RPRD1B: variants seen among roughly 807,000 people sequenced by gnomAD.
The protein encoded by RPRD1B is regulation of nuclear pre-mRNA domain containing 1B, also known as regulation of nuclear pre-mRNA domain-containing protein 1B.
Under a neutral mutation model 41.5 loss-of-function variants are expected in RPRD1B, and 11 were observed. That is an observed-to-expected ratio of 0.27 (90% CI 0.17 to 0.44). The LOEUF (loss-of-function observed/expected upper bound fraction) is 0.44, where lower values mean the gene tolerates loss of function less well. Ranked by LOEUF, RPRD1B falls within the 20% of genes least tolerant of loss-of-function variation. The probability of loss-of-function intolerance (pLI) is 1.00; values close to 1 mark genes in which losing one functional copy is unlikely to be tolerated. For synonymous variants in RPRD1B, 158 were observed against 155.6 expected, an observed-to-expected ratio of 1.02 and a Z score of -0.12; for missense variants, 248 against 389.9, an observed-to-expected ratio of 0.64 and a Z score of 3.06.
chr20:38,046,771 G>A (rs537977329), intron 2 of RPRD1B, among the ~76,000 whole-genome samples: 1 of 152,304 alleles, frequency 6.6e-6, no homozygotes, highest in Non-Finnish European at 1.5e-5. Context: ...TGGAGGACGG[G>A]GGTGGGGAAG....
At chr20:38,078,125 G>A (rs150647752) in intron 6 of RPRD1B, among the ~76,000 whole-genome samples, 6 of 151,388 alleles carry the variant, frequency 4.0e-5, no homozygotes, top group African/African-American at 1.5e-4. Flanking sequence ...CCATGATCGT[G>A]CCACTGCACT....
At chr20:38,068,362 G>C (rs2074378943) in intron 6 of RPRD1B, among the ~76,000 whole-genome samples, 1 of 152,132 alleles carries the variant, frequency 6.6e-6, no homozygotes, top group Non-Finnish European at 1.5e-5. Flanking sequence ...GAGCCGATTT[G>C]CTGCATTAAA....
intron 6 of RPRD1B, 96 bp from the exon 7 acceptor site, chr20:38,089,630 A>C: frequency 1.0e-6 from 1 of 995,836 alleles, no homozygotes; most frequent in Non-Finnish European, 1.5e-6. Context: ...GGGACAAGGA[A>C]GAACACGAGG....
chr20:38,033,827 A>T lies in RPRD1B; in HGVS notation c.-121A>T. 1.0e-6 allele frequency: 1 copy of T among 982,840 alleles called. No homozygotes were observed. The highest frequency in any genetic ancestry group is 1.5e-6 in the Non-Finnish European group (1 of 686,028). 60.9% of individuals were successfully genotyped at this position (982,840 alleles called of 1,614,324 possible). ...CCCTCCCCCTTCTCGCACCCCTGGC[A>T]GTCTGTCAGTCGGTAAAAAGTCCCG... On this transcript the variant is annotated 5_prime_UTR_variant, in exon 1 of 7. Transcript: ENST00000373433.
At chr20:38,043,463 A>G (rs1213140971) in intron 2 of RPRD1B, among the ~76,000 whole-genome samples, 2 of 152,078 alleles carry the variant, frequency 1.3e-5, no homozygotes, top group African/African-American at 2.4e-5. Context: ...CAGGGGAATG[A>G]TATATTCCAA....
chr20:38,072,980 G>A (rs902168495), intron 6 of RPRD1B, among the ~76,000 whole-genome samples: 1 of 152,224 alleles, frequency 6.6e-6, no homozygotes, highest in Non-Finnish European at 1.5e-5. Flanking sequence ...CATATAATCA[G>A]ACTTCTGAAT....
rs1233624068 is a variant in RPRD1B, at chr20:38,091,160, A to T, written c.*1285A>T. ...TATTTTTGACATTGGAAAGGGCAGAAAGCGATTTGCCCCAGTAGTGTAATA... is the reference window on the plus strand; with the variant it reads ...TATTTTTGACATTGGAAAGGGCAGATAGCGATTTGCCCCAGTAGTGTAATA... On this transcript the variant is annotated 3_prime_UTR_variant, in exon 7 of 7. Coordinates refer to ENST00000373433, the MANE Select transcript of RPRD1B (RefSeq NM_021215.4). 1 of 985,716 alleles carries T rather than the reference A, an allele frequency of 1.0e-6. No homozygotes were observed. Among genetic ancestry groups the T allele is most frequent in the East Asian group, 1.1e-4 (1 of 8,830 alleles). The allele number at this position is 985,716 out of a possible 1,614,324, so 61.1% of individuals were successfully genotyped here.
Position 38,049,779 on chromosome 20 carries a change from G to C in RPRD1B, c.415+1298G>C, listed in dbSNP as rs1199746556. ...TGTTTCTTAGCTACAGATCTGATCT[G>C]CCTGCATACATGTTTCCTGGAGGAT... On this transcript the variant is annotated intron_variant, in intron 3 of 6. Coordinates refer to ENST00000373433, the MANE Select transcript of RPRD1B (RefSeq NM_021215.4). 4.0e-5 allele frequency: 19 copies of C among 471,050 alleles called. No individual in the cohort carries two copies. The Admixed American group carries it at 4.5e-4, about 11-fold the overall frequency. The allele number at this position is 471,050 out of a possible 1,614,324, so 29.2% of individuals were successfully genotyped here. A position where few individuals can be genotyped will look rare whatever the true frequency, so the allele number is the denominator to read the frequency against.
intron 2 of RPRD1B, among the ~76,000 whole-genome samples, chr20:38,044,114 A>AAGC (rs1271400153): frequency 3.3e-5 from 5 of 152,114 alleles, no homozygotes; most frequent in Admixed American, 1.3e-4. Context: ...AAAGGATCCA[A>AAGC]AGCAGCAGCA....
intron 6 of RPRD1B, among the ~76,000 whole-genome samples, chr20:38,067,470 G>GC (rs1165335128): frequency 2.0e-5 from 3 of 152,218 alleles, no homozygotes; most frequent in Non-Finnish European, 2.9e-5. Context: ...CAGGAAACGT[G>GC]CTCTGGCACA....
intron 6 of RPRD1B, among the ~76,000 whole-genome samples, chr20:38,088,826 C>T (rs933379277): frequency 3.3e-5 from 5 of 152,138 alleles, no homozygotes; most frequent in African/African-American, 7.2e-5. Flanking sequence ...GGAGGAGATG[C>T]GGAGTCGTCT....
intron 2 of RPRD1B, among the ~76,000 whole-genome samples, chr20:38,044,219 C>T (rs948802915): frequency 9.9e-5 from 15 of 152,124 alleles, no homozygotes; most frequent in Non-Finnish European, 1.6e-4. Flanking sequence ...TCCACAAACA[C>T]GCTTAATTCC....
At chr20:38,034,651 C>T (rs527565348) in intron 1 of RPRD1B, among the ~76,000 whole-genome samples, 1 of 152,224 alleles carries the variant, frequency 6.6e-6, no homozygotes, top group Non-Finnish European at 1.5e-5. Context: ...TATCCTCGCA[C>T]TCAGTCCTTA....
rs764645660 is a variant in RPRD1B at position 38,056,480 on chromosome 20, T to C, written c.416-1052T>C. 2.6e-5 allele frequency among the ~76,000 whole-genome samples: 4 copies of C among 152,258 alleles called. No individual in the cohort carries two copies. In the South Asian group the frequency reaches 8.3e-4, roughly 31 times the overall value. ...GTCAGTTAGTATATGATGTATATAA[T>C]GTAGAGAACAGGAGCTACGTGACTT... On this transcript the variant is annotated intron_variant, in intron 3 of 6. Transcript: ENST00000373433.
chr20:38,038,060 A>G (rs2074021464), intron 1 of RPRD1B, among the ~76,000 whole-genome samples: 1 of 152,246 alleles, frequency 6.6e-6, no homozygotes, highest in Non-Finnish European at 1.5e-5. Flanking sequence ...TTGTAGCAAC[A>G]GTAGATATTG....
chr20:38,058,935 A>G (rs1224607377), intron 4 of RPRD1B, among the ~76,000 whole-genome samples: 2 of 152,256 alleles, frequency 1.3e-5, no homozygotes, highest in South Asian at 2.1e-4. Context: ...GCTGGTCTCG[A>G]ACTCCTGGGC....
At chr20:38,057,808 A>G (rs2074259800) in intron 4 of RPRD1B, among the ~76,000 whole-genome samples, 164 bp downstream of exon 4, 1 of 152,220 alleles carries the variant, frequency 6.6e-6, no homozygotes, top group Non-Finnish European at 1.5e-5. Context: ...GCCGGATGGC[A>G]GGTGTCAGTA....
intron 2 of RPRD1B, among the ~76,000 whole-genome samples, chr20:38,047,144 C>T (rs2074128808): frequency 6.6e-6 from 1 of 152,148 alleles, no homozygotes. Context: ...GTAATTGGGT[C>T]ATATTTTTAA....
intron 2 of RPRD1B, among the ~76,000 whole-genome samples, chr20:38,042,211 A>T (rs2074073756): frequency 6.6e-6 from 1 of 152,194 alleles, no homozygotes; most frequent in South Asian, 2.1e-4. Context: ...AAAATTAGCC[A>T]GGCATGGTGG....
Sources: allele counts gnomAD v4.1 joint callset (sites outside exome capture counted in the v4.1 genomes callset), GRCh38; gene constraint gnomAD v4.1.1; transcripts MANE v1.5; gene names NCBI Gene and HGNC (gene_info 2026-07-23, HGNC 2026-07-21).